Variants in EGLN1 observed in about 807,000 individuals in gnomAD.
The protein encoded by EGLN1 is egl-9 family hypoxia inducible factor 1, also known as egl nine homolog 1.
In EGLN1, 17 loss-of-function variants were observed where a neutral mutation model predicts 38.3. That is an observed-to-expected ratio of 0.44 (90% CI 0.30 to 0.67). EGLN1 has a LOEUF of 0.67. Among genes scored for constraint, EGLN1 ranks in the 30% least tolerant of loss-of-function variants. EGLN1 has a pLI of 0.08. For synonymous variants in EGLN1, 283 were observed against 257.5 expected (o/e 1.10, Z -0.95); for missense variants, 477 against 603.3 (o/e 0.79, Z 2.19).
rs147839743 is a variant in EGLN1, at chr1:231,366,433, G to A, written c.1259C>T (p.Ser420Leu). The change falls in exon 5 of 5, where the codon TCG (serine) becomes TTG (leucine). Residue 420 changes from serine (S) to leucine (L), a missense_variant. Ser to Leu is a moderately radical substitution (Grantham distance 145). This residue lies in a region of EGLN1 where 59 missense variants were observed against 119.0 expected (regional missense o/e 0.50). Transcript: ENST00000366641. ...VRVELNKPSDSVGKDVF is the reference protein window; with the variant it reads ...VRVELNKPSDLVGKDVF The stretch of plus-strand genomic sequence containing the variant: ...GCTCTAGAAGACGTCTTTACCGACC[G>A]AATCTGAAGGTTTATTGAGTTCAAC... The A allele has an allele frequency of 2.6e-4, 422 of 1,613,556 alleles. 1 individual carries two copies. The highest frequency in any genetic ancestry group is 2.2e-4 in the East Asian group (10 of 44,864).
At chr1:231,373,340 T>C (rs905899388) in intron 2 of EGLN1, among the ~76,000 whole-genome samples, 5 of 152,044 alleles carry the variant, frequency 3.3e-5, no homozygotes, top group Admixed American at 1.3e-4. Flanking sequence ...ATAGATAATC[T>C]CCCCCAAAAG....
intron 1 of EGLN1, among the ~76,000 whole-genome samples, chr1:231,380,897 T>C (rs1688065456): frequency 6.6e-6 from 1 of 152,164 alleles, no homozygotes; most frequent in African/African-American, 2.4e-5. Flanking sequence ...ACTTTTCTAC[T>C]GGGTTAATCT....
At chr1:231,411,004 T>C (rs1197755965) in intron 1 of EGLN1, among the ~76,000 whole-genome samples, 5 of 152,060 alleles carry the variant, frequency 3.3e-5, no homozygotes, top group African/African-American at 1.2e-4. Flanking sequence ...ATAACAAAAC[T>C]ATAGAAGCCA....
At chr1:231,415,893 G>T (rs1006412617) in intron 1 of EGLN1, among the ~76,000 whole-genome samples, 7 of 151,852 alleles carry the variant, frequency 4.6e-5, no homozygotes, top group African/African-American at 1.7e-4. Context: ...TGTCGCCCGG[G>T]CTGGAGTGCA....
intron 1 of EGLN1, among the ~76,000 whole-genome samples, chr1:231,376,570 C>G (rs1687962899): frequency 1.3e-5 from 2 of 152,026 alleles, no homozygotes; most frequent in Non-Finnish European, 2.9e-5. Flanking sequence ...GGATTTGGTA[C>G]TATCCACAGT....
At position 231,379,818 on chromosome 1, in the gene EGLN1, T is replaced by G. The variant is rs1287087186; in HGVS notation, c.892-5719A>C. ...ATTGATTCTTTATCCCTCATCAACA[T>G]TATAACAAAACGACACTGAACAGAA... is the stretch of plus-strand genomic sequence containing the variant. On this transcript the variant is annotated intron_variant, in intron 1 of 4. Coordinates refer to ENST00000366641, the MANE Select transcript of EGLN1 (RefSeq NM_022051.3). 3.3e-5 allele frequency among the ~76,000 whole-genome samples: 5 copies of G among 152,184 alleles called. No homozygotes were observed. In the East Asian group the frequency reaches 9.6e-4, roughly 29 times the overall value.
intron 1 of EGLN1, among the ~76,000 whole-genome samples, chr1:231,400,358 T>C (rs1688635539): frequency 6.6e-6 from 1 of 152,086 alleles, no homozygotes; most frequent in Non-Finnish European, 1.5e-5. Context: ...TCACCTCAGA[T>C]TCAGAATCTC....
At chr1:231,419,497 A>G (rs1174673490) in intron 1 of EGLN1, among the ~76,000 whole-genome samples, 2 of 152,226 alleles carry the variant, frequency 1.3e-5, no homozygotes. Flanking sequence ...ATTGTCTCAA[A>G]CTAATTTCTT....
At chr1:231,404,932 AT>A (rs1688750286) in intron 1 of EGLN1, among the ~76,000 whole-genome samples, 1 of 152,130 alleles carries the variant, frequency 6.6e-6, no homozygotes, top group African/African-American at 2.4e-5. Context: ...ACTGAACACT[AT>A]TTCCTTTCTC....
intron 3 of EGLN1, 104 bp downstream of exon 3, chr1:231,370,458 T>C: frequency 1.6e-6 from 2 of 1,221,538 alleles, no homozygotes; most frequent in Non-Finnish European, 1.2e-6. Flanking sequence ...CTGTGAAAAG[T>C]ACCTGGCAGG....
At position 231,372,425 on chromosome 1, in the gene EGLN1, CCTGA is replaced by C. The variant is rs370748753; in HGVS notation, c.1011+1551_1011+1554del. Among the ~76,000 whole-genome samples the C allele has an allele frequency of 2.8e-3, 427 of 152,188 alleles. 3 individuals are homozygous for C. The highest frequency in any genetic ancestry group is 9.3e-3 in the African/African-American group (385 of 41,530). On this transcript the variant is annotated intron_variant, in intron 2 of 4. Transcript: ENST00000366641. The stretch of plus-strand genomic sequence containing the variant: ...AATTTAAAACCTACACATTAATGAC[CCTGA>C]CTAAGTATTATAGAAATTATAAGAT...
At chr1:231,383,443 A>C (rs891965573) in intron 1 of EGLN1, among the ~76,000 whole-genome samples, 3 of 152,236 alleles carry the variant, frequency 2.0e-5, no homozygotes, top group Admixed American at 6.5e-5. Flanking sequence ...CAGACAGCAA[A>C]GACATAATTA....
intron 3 of EGLN1, 33 bp downstream of exon 3, chr1:231,370,529 T>C: frequency 6.2e-7 from 1 of 1,612,368 alleles, no homozygotes. Context: ...CCTACCATAC[T>C]CTAAACCAAT....
intron 1 of EGLN1, among the ~76,000 whole-genome samples, chr1:231,413,262 G>A (rs113449803): frequency 6.6e-6 from 1 of 151,998 alleles, no homozygotes; most frequent in Non-Finnish European, 1.5e-5. Flanking sequence ...TTTTAGTAGA[G>A]GTGAGGTTTC....
intron 1 of EGLN1, among the ~76,000 whole-genome samples, chr1:231,380,247 C>T (rs1160696811): frequency 7.0e-6 from 1 of 141,994 alleles, no homozygotes; most frequent in Non-Finnish European, 1.5e-5. Flanking sequence ...ACCCGGGAGG[C>T]GGAGCTTGCA....
At chr1:231,374,187 A>G (rs1418272200) in intron 1 of EGLN1, 88 bp from the exon 2 acceptor site, 1 of 1,112,850 alleles carries the variant, frequency 9.0e-7, no homozygotes, top group African/African-American at 1.6e-5. Context: ...ATTTTTGGCT[A>G]CTGATTTACA....
chr1:231,393,853 G>T (rs1219119967), intron 1 of EGLN1, among the ~76,000 whole-genome samples: 1 of 152,048 alleles, frequency 6.6e-6, no homozygotes, highest in Non-Finnish European at 1.5e-5. Flanking sequence ...TTTAATATCA[G>T]AACAGTAGGA....
At chr1:231,374,219 T>C (rs1301419345) in intron 1 of EGLN1, 120 bp from the exon 2 acceptor site, 12 of 867,734 alleles carry the variant, frequency 1.4e-5, no homozygotes, top group Non-Finnish European at 2.2e-5. Flanking sequence ...CTAATAAAAA[T>C]AATATTTTGT....
At chr1:231,394,151 G>A (rs939285223) in intron 1 of EGLN1, among the ~76,000 whole-genome samples, 3 of 151,948 alleles carry the variant, frequency 2.0e-5, no homozygotes, top group African/African-American at 4.8e-5. Flanking sequence ...ATCAACAAAC[G>A]TAGACTAATC....
Sources: allele counts gnomAD v4.1 joint callset (sites outside exome capture counted in the v4.1 genomes callset), GRCh38; gene constraint gnomAD v4.1.1; regional missense constraint gnomAD v4.1.1; transcripts MANE v1.5; gene names NCBI Gene and HGNC (gene_info 2026-07-23, HGNC 2026-07-21).